Variants in CTNND2 observed in about 807,000 individuals in gnomAD.
The protein encoded by CTNND2 is catenin delta 2, also known as catenin delta-2.
CTNND2 carries 22 observed loss-of-function variants against 144.4 expected under a neutral mutation model. The ratio of observed to expected loss-of-function variants is 0.15; its 90% CI spans 0.11 to 0.22. CTNND2 has a LOEUF of 0.22. CTNND2 is among the 10% of genes least tolerant of loss of function. The pLI is 1.00. For synonymous variants in CTNND2, 751 were observed against 695.6 expected, an observed-to-expected ratio of 1.08 and a Z score of -1.25; for missense variants, 1,353 against 1,618.8, an observed-to-expected ratio of 0.84 and a Z score of 2.82.
rs565074480 is a variant in CTNND2, at chr5:11,254,043, C to T, written c.1629-17220G>A. On this transcript the variant is annotated intron_variant, in intron 9 of 21. Coordinates refer to ENST00000304623, the MANE Select transcript of CTNND2 (RefSeq NM_001332.4). ...GACTAAAAAAATGCTTTACATCAAA[C>T]GGGTATTTAGAAAATGATGACCTTC... is the stretch of plus-strand genomic sequence containing the variant. Among the ~76,000 whole-genome samples the T allele has an allele frequency of 2.6e-5, 4 of 152,210 alleles. No homozygotes were observed. The South Asian group carries it at 8.3e-4, about 32-fold the overall frequency.
intron 12 of CTNND2, among the ~76,000 whole-genome samples, chr5:11,126,546 A>G (rs1754696469): frequency 6.6e-6 from 1 of 152,216 alleles, no homozygotes. Flanking sequence ...AAGTCCTGGG[A>G]TAAACTGATG....
intron 12 of CTNND2, among the ~76,000 whole-genome samples, chr5:11,157,673 T>A (rs1758350087): frequency 6.6e-6 from 1 of 152,238 alleles, no homozygotes; most frequent in Admixed American, 6.5e-5. Context: ...AAATGAAGAA[T>A]GTAAATACAC....
intron 9 of CTNND2, among the ~76,000 whole-genome samples, chr5:11,342,641 T>C (rs894018250): frequency 2.0e-5 from 3 of 152,242 alleles, no homozygotes; most frequent in Admixed American, 6.5e-5. Flanking sequence ...TTACACATTA[T>C]GTCAGTAATA....
intron 3 of CTNND2, among the ~76,000 whole-genome samples, chr5:11,418,529 G>A (rs927829410): frequency 2.0e-5 from 3 of 152,218 alleles, no homozygotes; most frequent in Non-Finnish European, 2.9e-5. Flanking sequence ...TTGGTTGGAA[G>A]AATGGCAAAA....
intron 3 of CTNND2, among the ~76,000 whole-genome samples, chr5:11,503,958 G>GA (rs1770763182): frequency 6.6e-6 from 1 of 152,096 alleles, no homozygotes; most frequent in Non-Finnish European, 1.5e-5. Context: ...CATTTACAAA[G>GA]AAAAAAACTG....
chr5:11,009,253 A>G (rs924130356), intron 18 of CTNND2, among the ~76,000 whole-genome samples: 3 of 152,228 alleles, frequency 2.0e-5, no homozygotes, highest in Admixed American at 6.5e-5. Flanking sequence ...GCTAGCCAGC[A>G]GACATCTCCC....
chr5:11,618,031 T>C (rs1780660339), intron 2 of CTNND2, among the ~76,000 whole-genome samples: 1 of 152,138 alleles, frequency 6.6e-6, no homozygotes, highest in Non-Finnish European at 1.5e-5. Context: ...TTTAGGACTT[T>C]AACAACATGC....
At chr5:11,728,398 G>C (rs573684633) in intron 2 of CTNND2, among the ~76,000 whole-genome samples, 3 of 152,130 alleles carry the variant, frequency 2.0e-5, no homozygotes, top group African/African-American at 4.8e-5. Flanking sequence ...GAACCTGGGA[G>C]GTGGAGGTGG....
intron 12 of CTNND2, among the ~76,000 whole-genome samples, chr5:11,132,420 A>G (rs142214825): frequency 8.4e-4 from 128 of 152,334 alleles, no homozygotes; most frequent in African/African-American, 2.9e-3. Flanking sequence ...TGATTAGGTC[A>G]TAAGGATGAG....
chr5:11,283,920 T>C (rs1239731036), intron 9 of CTNND2, among the ~76,000 whole-genome samples: 1 of 152,178 alleles, frequency 6.6e-6, no homozygotes, highest in Non-Finnish European at 1.5e-5. Context: ...TCTGTTCACG[T>C]CGTCTGACGT....
chr5:11,278,538 G>A (rs746059319), intron 9 of CTNND2, among the ~76,000 whole-genome samples: 3 of 152,152 alleles, frequency 2.0e-5, no homozygotes, highest in Non-Finnish European at 2.9e-5. Context: ...AGTGGGAAAA[G>A]CTAGTGGCCA....
At chr5:11,675,566 C>T (rs58071893) in intron 2 of CTNND2, among the ~76,000 whole-genome samples, 3,770 of 152,092 alleles carry the variant, frequency 0.025, 157 homozygotes, top group African/African-American at 0.085. Context: ...TAAATTTTTG[C>T]CTTTTGCCTC....
At chr5:11,593,574 TC>T (rs1224560589) in intron 2 of CTNND2, among the ~76,000 whole-genome samples, 4 of 152,206 alleles carry the variant, frequency 2.6e-5, no homozygotes, top group Admixed American at 6.5e-5. Flanking sequence ...GGCAGGTTTT[TC>T]CCGTGCTGTT....
intron 11 of CTNND2, among the ~76,000 whole-genome samples, chr5:11,197,601 C>T (rs1736992189): frequency 1.3e-5 from 2 of 152,162 alleles, no homozygotes; most frequent in Admixed American, 1.3e-4. Flanking sequence ...AAATGGGGCT[C>T]ACATAGGAAT....
intron 9 of CTNND2, among the ~76,000 whole-genome samples, chr5:11,320,558 T>TA (rs1316914162): frequency 6.6e-6 from 1 of 152,216 alleles, no homozygotes; most frequent in Non-Finnish European, 1.5e-5. Context: ...TAATTGGACT[T>TA]ACAGTTCCAC....
chr5:11,877,012 T>C (rs1735619076), intron 1 of CTNND2, among the ~76,000 whole-genome samples: 1 of 152,140 alleles, frequency 6.6e-6, no homozygotes, highest in Non-Finnish European at 1.5e-5. Context: ...CCATGCTTCT[T>C]ATGTCTATTC....
At chr5:11,422,218 T>C (rs930406866) in intron 3 of CTNND2, among the ~76,000 whole-genome samples, 2 of 142,320 alleles carry the variant, frequency 1.4e-5, no homozygotes, top group Non-Finnish European at 3.0e-5. Flanking sequence ...TGTCTACCTT[T>C]TTTTCCCCCA....
intron 12 of CTNND2, among the ~76,000 whole-genome samples, chr5:11,129,179 TA>T (rs1755221778): frequency 7.8e-5 from 4 of 51,524 alleles, no homozygotes; most frequent in African/African-American, 2.9e-4. Flanking sequence ...TTATATATTT[TA>T]TATATAATAT....
At chr5:11,149,096 G>A (rs547947619) in intron 12 of CTNND2, among the ~76,000 whole-genome samples, 23 of 152,204 alleles carry the variant, frequency 1.5e-4, no homozygotes, top group Non-Finnish European at 3.1e-4. Context: ...ATCAGGTTCT[G>A]AGCAATGCGA....
Sources: gnomAD v4.1 joint callset for allele counts (sites outside exome capture counted in the v4.1 genomes callset) on GRCh38, gnomAD v4.1.1 for gene constraint, MANE v1.5 for transcripts, NCBI Gene and HGNC (gene_info 2026-07-23, HGNC 2026-07-21) for gene names.